The following ANGPT1 variants were observed in gnomAD, a reference collection of about 807,000 sequenced individuals.
ANGPT1 encodes the protein angiopoietin-1.
A neutral mutation model predicts 62.2 loss-of-function variants in ANGPT1; 17 were observed. The ratio of observed to expected loss-of-function variants is 0.27; its 90% CI spans 0.19 to 0.41. ANGPT1 has a LOEUF of 0.41. Ranked by LOEUF, ANGPT1 falls within the 10% of genes least tolerant of loss-of-function variation. ANGPT1 has a pLI of 1.00. For missense variants in ANGPT1, 478 were observed against 594.9 expected (o/e 0.80, Z 2.04); for synonymous variants, 199 against 198.9 (o/e 1.00, Z 0.00).
rs2129968897 is a variant in ANGPT1 at position 107,249,914 on chromosome 8, T to G, written c.*1941A>C. ...TAAATGAAAACAGTTGAGAAGTTTT[T>G]AGAAGGAGAGGCTTACCTGCTATGA... On this transcript the variant is annotated 3_prime_UTR_variant, in exon 9 of 9. Transcript: ENST00000517746. 6.6e-6 allele frequency: 1 copy of G among 152,644 alleles called. No individual in the cohort carries two copies. The highest frequency in any genetic ancestry group is 2.1e-4 in the South Asian group (1 of 4,818). The allele number at this position is 152,644 out of a possible 1,614,324, so 9.5% of individuals were successfully genotyped here.
rs577106823 is a variant in ANGPT1 at position 107,349,286 on chromosome 8, G to T, written c.298-2189C>A. On this transcript the variant is annotated intron_variant, in intron 1 of 8. Transcript: ENST00000517746. The stretch of plus-strand genomic sequence containing the variant: ...TCCACCCTTGGACATTCAGTTGTAA[G>T]TTGCATGATCTAACAGTCTCCCATT... Among the ~76,000 whole-genome samples the T allele has an allele frequency of 5.9e-5, 9 of 152,218 alleles. No individual in the cohort carries two copies. The South Asian group carries it at 1.7e-3, about 28-fold the overall frequency.
At chr8:107,367,486 C>T (rs999372661) in intron 1 of ANGPT1, among the ~76,000 whole-genome samples, 2 of 152,062 alleles carry the variant, frequency 1.3e-5, no homozygotes, top group Non-Finnish European at 2.9e-5. Context: ...AAAAATAAAA[C>T]AGTGAAGTTA....
intron 1 of ANGPT1, among the ~76,000 whole-genome samples, chr8:107,422,056 T>C (rs1197023845): frequency 6.6e-6 from 1 of 152,160 alleles, no homozygotes; most frequent in Non-Finnish European, 1.5e-5. Flanking sequence ...AGCCCATCCA[T>C]ACCTCTAAAA....
At chr8:107,381,267 C>G (rs1034477882) in intron 1 of ANGPT1, among the ~76,000 whole-genome samples, 1 of 152,232 alleles carries the variant, frequency 6.6e-6, no homozygotes, top group South Asian at 2.1e-4. Context: ...GCAAAATGCT[C>G]AAAGGGGAAA....
chr8:107,453,396 G>T (rs1811829737), intron 1 of ANGPT1, among the ~76,000 whole-genome samples: 1 of 152,032 alleles, frequency 6.6e-6, no homozygotes, highest in South Asian at 2.1e-4. Flanking sequence ...CATGGCTGGG[G>T]AGGCCTCACA....
At chr8:107,348,649 T>C (rs961882604) in intron 1 of ANGPT1, among the ~76,000 whole-genome samples, 2 of 152,238 alleles carry the variant, frequency 1.3e-5, no homozygotes, top group African/African-American at 4.8e-5. Flanking sequence ...CTTGACTTTA[T>C]TCCAATTGAA....
chr8:107,326,644 C>T (rs530122217), intron 3 of ANGPT1, among the ~76,000 whole-genome samples: 1 of 152,246 alleles, frequency 6.6e-6, no homozygotes, highest in South Asian at 2.1e-4. Context: ...GCAAACCTCA[C>T]TTGCCAGAAA....
chr8:107,268,266 C>T (rs990679330), intron 7 of ANGPT1, among the ~76,000 whole-genome samples: 1 of 152,050 alleles, frequency 6.6e-6, no homozygotes, highest in African/African-American at 2.4e-5. Flanking sequence ...ATATAAATAA[C>T]TCTAATATCA....
chr8:107,375,682 G>T (rs1816516992), intron 1 of ANGPT1, among the ~76,000 whole-genome samples: 1 of 152,154 alleles, frequency 6.6e-6, no homozygotes, highest in Admixed American at 6.5e-5. Flanking sequence ...TGCCACCAAG[G>T]GTAAGGGTGG....
chr8:107,496,553 A>G (rs1452769424), intron 1 of ANGPT1, among the ~76,000 whole-genome samples: 4 of 152,210 alleles, frequency 2.6e-5, no homozygotes, highest in Non-Finnish European at 5.9e-5. Flanking sequence ...CGTTCAGCCC[A>G]TATCTGCAGG....
At chr8:107,284,991 T>C in intron 6 of ANGPT1, 143 bp from the exon 7 acceptor site, 1 of 575,470 alleles carries the variant, frequency 1.7e-6, no homozygotes, top group Non-Finnish European at 2.6e-6. Context: ...TTTTCTCCAG[T>C]GATTGACATT....
At chr8:107,345,949 A>T (rs1397557124) in intron 2 of ANGPT1, among the ~76,000 whole-genome samples, 1 of 152,220 alleles carries the variant, frequency 6.6e-6, no homozygotes, top group African/African-American at 2.4e-5. Context: ...CCAGAGTTTG[A>T]ATCCCAGATT....
Position 107,355,244 on chromosome 8 carries a change from G to A in ANGPT1, c.298-8147C>T, listed in dbSNP as rs1439807815. 2.0e-5 allele frequency among the ~76,000 whole-genome samples: 3 copies of A among 151,882 alleles called. No homozygotes were observed. In the East Asian group the frequency reaches 5.8e-4, roughly 30 times the overall value. ...GGCTGCCTAGGTCCATCCCTCTCCC[G>A]CTTCCCTCTCTCCCTACCAATATCA... On this transcript the variant is annotated intron_variant, in intron 1 of 8. Coordinates refer to ENST00000517746, the MANE Select transcript of ANGPT1 (RefSeq NM_001146.5).
intron 1 of ANGPT1, among the ~76,000 whole-genome samples, chr8:107,427,344 C>G (rs1396580229): frequency 1.3e-5 from 2 of 152,196 alleles, no homozygotes; most frequent in Non-Finnish European, 2.9e-5. Context: ...CCTGCCCTGT[C>G]AAGCTGTAAT....
intron 7 of ANGPT1, among the ~76,000 whole-genome samples, chr8:107,267,671 G>C (rs528223658): frequency 6.6e-6 from 1 of 152,034 alleles, no homozygotes; most frequent in Non-Finnish European, 1.5e-5. Flanking sequence ...CTCTATTCTG[G>C]TTAAAGTTGC....
intron 1 of ANGPT1, among the ~76,000 whole-genome samples, chr8:107,490,025 T>A (rs1812917829): frequency 6.6e-6 from 1 of 151,878 alleles, no homozygotes; most frequent in East Asian, 1.9e-4. Context: ...TGTGGCAGAA[T>A]GAAAACAAAA....
At chr8:107,389,579 A>G (rs760342407) in intron 1 of ANGPT1, among the ~76,000 whole-genome samples, 1 of 152,082 alleles carries the variant, frequency 6.6e-6, no homozygotes, top group Non-Finnish European at 1.5e-5. Context: ...ACATCTCCAG[A>G]TTTGAGAATT....
chr8:107,390,937 G>A (rs1045206462), intron 1 of ANGPT1, among the ~76,000 whole-genome samples: 8 of 151,978 alleles, frequency 5.3e-5, no homozygotes, highest in Admixed American at 5.3e-4. Flanking sequence ...AAAACGGAGG[G>A]ACAGAACTCC....
At chr8:107,441,998 C>T (rs1169915324) in intron 1 of ANGPT1, among the ~76,000 whole-genome samples, 1 of 151,936 alleles carries the variant, frequency 6.6e-6, no homozygotes, top group Non-Finnish European at 1.5e-5. Context: ...GCAGGAGAAT[C>T]GGTTGAACTC....
Sources: allele counts gnomAD v4.1 joint callset (sites outside exome capture counted in the v4.1 genomes callset), GRCh38; gene constraint gnomAD v4.1.1; transcripts MANE v1.5; gene names NCBI Gene and HGNC (gene_info 2026-07-23, HGNC 2026-07-21).